The following ZFP64 variants were observed in gnomAD, a reference collection of about 807,000 sequenced individuals.
ZFP64 encodes the protein ZFP64 zinc finger protein.
In ZFP64, 14 loss-of-function variants were observed where a neutral mutation model predicts 51.6. The observed-to-expected ratio is 0.27, with a 90% CI of 0.18 to 0.42. ZFP64 has a LOEUF of 0.42. Ranked by LOEUF, ZFP64 falls within the 10% of genes least tolerant of loss-of-function variation. The pLI is 1.00. For missense variants in ZFP64, 754 were observed against 906.8 expected (o/e 0.83, Z 2.16); for synonymous variants, 375 against 361.4 (o/e 1.04, Z -0.43).
chr20:52,151,440 G>A lies in ZFP64; in HGVS notation c.*706C>T. The A allele has an allele frequency of 2.0e-6, 2 of 985,220 alleles. No individual in the cohort carries two copies. Among genetic ancestry groups the A allele is most frequent in the South Asian group, 4.7e-5 (1 of 21,286 alleles). 61.0% of individuals were successfully genotyped at this position (985,220 alleles called of 1,614,324 possible). On this transcript the variant is annotated 3_prime_UTR_variant, in exon 6 of 6. Transcript: ENST00000216923. ...AAAACATGAACACCCCCAAACTCTG[G>A]GGAGTATTCCAGAATGGGGCAAAAG...
exon 9 of ZFP64, chr20:52,084,582 G>T (rs990282830): frequency 1.6e-5 from 26 of 1,613,492 alleles, no homozygotes; most frequent in Non-Finnish European, 2.2e-5. Flanking sequence ...GGGCTCTAGG[G>T]GAGCCTCGAG....
Position 52,151,788 on chromosome 20 carries a change from A to G in ZFP64, c.*358T>C. 9.5e-7 allele frequency: 1 copy of G among 1,047,438 alleles called. No homozygotes were observed. Among genetic ancestry groups the G allele is most frequent in the Non-Finnish European group, 1.2e-6 (1 of 867,550 alleles). The allele number at this position is 1,047,438 out of a possible 1,614,324, so 64.9% of individuals were successfully genotyped here. On this transcript the variant is annotated 3_prime_UTR_variant, in exon 6 of 6. Coordinates refer to ENST00000216923, the MANE Select transcript of ZFP64 (RefSeq NM_018197.3). ...AAACCACGGCCAGGCATGGTGGCTC[A>G]CACCTGTAATCCCAGCACTTTGGGA...
In ZFP64 at chr20:52,100,275, TCA is replaced by T. The variant is rs1369307660; in HGVS notation, c.764-1690_764-1689del. Among the ~76,000 whole-genome samples the T allele has an allele frequency of 2.0e-5, 3 of 151,938 alleles. No individual in the cohort carries two copies. In the East Asian group the frequency reaches 5.8e-4, roughly 29 times the overall value. On this transcript the variant is annotated intron_variant, in intron 5 of 8. Coordinates refer to the ZFP64 transcript ENST00000361387. ...AAGTTTTTTTTTTTGAAACAGAGTC[TCA>T]CTCTGTCGCCCAGACTGGAGTGCAG...
intron 5 of ZFP64, among the ~76,000 whole-genome samples, chr20:52,126,814 T>C (rs1293088196): frequency 6.6e-6 from 1 of 152,092 alleles, no homozygotes; most frequent in Admixed American, 6.6e-5. Context: ...ATAGGGAAAA[T>C]GGTGCCTTTA....
At chr20:52,180,597 T>C (rs955777089) in intron 2 of ZFP64, among the ~76,000 whole-genome samples, 4 of 141,392 alleles carry the variant, frequency 2.8e-5, no homozygotes, top group Admixed American at 2.2e-4. Context: ...ATCAATTCAA[T>C]GAATATTGAC....
At chr20:52,172,443 A>G (rs76076060) in intron 2 of ZFP64, among the ~76,000 whole-genome samples, 3,601 of 152,172 alleles carry the variant, frequency 0.024, 57 homozygotes, top group African/African-American at 0.041. Flanking sequence ...GTTCTTGAGA[A>G]TTCTCAGTGG....
Position 52,098,515 on chromosome 20 carries a change from G to A in ZFP64, c.836C>T (p.Pro279Leu), listed in dbSNP as rs777449645. The change falls in exon 6 of 9, where the codon CCT (proline) becomes CTT (leucine). Residue 279 changes from proline (P) to leucine (L), a missense_variant. Pro to Leu is a moderately conservative substitution (Grantham distance 98). Transcript: ENST00000361387. Reference sequence around the variant, plus strand: ...TGCCTCTGAGGGAAGAGTGATGACAGGGGCCTTCGGAGTGTCAGTGCTTTC... The same window carrying A: ...TGCCTCTGAGGGAAGAGTGATGACAAGGGCCTTCGGAGTGTCAGTGCTTTC... 3.7e-6 allele frequency: 6 copies of A among 1,614,054 alleles called. No individual in the cohort carries two copies. The highest frequency in any genetic ancestry group is 1.3e-5 in the African/African-American group (1 of 74,930).
chr20:52,146,111 A>G (rs554449258), intron 5 of ZFP64, among the ~76,000 whole-genome samples: 5 of 152,060 alleles, frequency 3.3e-5, no homozygotes, highest in South Asian at 2.1e-4. Flanking sequence ...AAACATGCGC[A>G]TTAGCCTCAG....
At position 52,152,518 on chromosome 20, in the gene ZFP64, C is replaced by T. The variant is rs768803312; in HGVS notation, c.1674G>A (p.Pro558=). 4 of 1,601,978 alleles carry T rather than the reference C, an allele frequency of 2.5e-6. No homozygotes were observed. Among genetic ancestry groups the T allele is most frequent in the Middle Eastern group, 3.3e-4 (2 of 6,012 alleles). Residue 558 remains proline, a synonymous_variant, in exon 6 of 6, where the codon CCG becomes CCA. Coordinates refer to ENST00000216923, the MANE Select transcript of ZFP64 (RefSeq NM_018197.3). ...LIAPPQSSRC[P]SEAGAMTQPA... ...GCTGGGTCATTGCGCCCGCCTCGCT[C>T]GGACACCGCGAGGACTGAGGGGGGG...
Position 52,176,505 on chromosome 20 carries a change from C to CTCTTTTTTT in ZFP64, c.286+10326_286+10327insAAAAAAAGA, listed in dbSNP as rs1555810297. Reference sequence around the variant, plus strand: ...ATTTCTAGCTTCTGGTTCAATCTCTCTTTTTTTTTTTTTTTGAGACGGAGT... The same window carrying CTCTTTTTTT: ...ATTTCTAGCTTCTGGTTCAATCTCTCTCTTTTTTTTTTTTTTTTTTTTTTGAGACGGAGT... On this transcript the variant is annotated intron_variant, in intron 2 of 5. Transcript: ENST00000216923. Among the ~76,000 whole-genome samples, 197 of 136,724 alleles carry CTCTTTTTTT rather than the reference C, an allele frequency of 1.4e-3. 1 individual carries two copies. The highest frequency in any genetic ancestry group is 5.3e-3 in the African/African-American group (191 of 36,152). 89.7% of individuals were successfully genotyped at this position (136,724 alleles called of 152,430 possible). A position where few individuals can be genotyped will look rare whatever the true frequency, so the allele number is the denominator to read the frequency against.
intron 2 of ZFP64, among the ~76,000 whole-genome samples, chr20:52,167,960 T>C (rs560245286): frequency 2.0e-5 from 3 of 152,240 alleles, no homozygotes; most frequent in Non-Finnish European, 2.9e-5. Context: ...AAATGTGTCA[T>C]AATTTCATAT....
chr20:52,091,185 T>C (rs2078922674), intron 7 of ZFP64, among the ~76,000 whole-genome samples: 1 of 152,082 alleles, frequency 6.6e-6, no homozygotes, highest in Non-Finnish European at 1.5e-5. Context: ...CAAAAACGTA[T>C]TACATTTCCC....
intron 2 of ZFP64, among the ~76,000 whole-genome samples, chr20:52,181,483 T>A (rs1983611303): frequency 6.6e-6 from 1 of 152,142 alleles, no homozygotes; most frequent in South Asian, 2.1e-4. Flanking sequence ...CGGGCAGCTT[T>A]CAAAGCTAGT....
At chr20:52,128,026 T>G (rs1232087183) in intron 5 of ZFP64, among the ~76,000 whole-genome samples, 1 of 152,200 alleles carries the variant, frequency 6.6e-6, no homozygotes, top group Non-Finnish European at 1.5e-5. Context: ...TGGTTTGGAT[T>G]GAGGTGTGTT....
chr20:52,191,442 C>T lies in ZFP64; in HGVS notation c.46+149G>A. ...ACTCCGGCGCCCCCTGCACAGCGCGCCCGCCGCGGTCCCCGAGACGCGGCT... is the reference window on the plus strand; with the variant it reads ...ACTCCGGCGCCCCCTGCACAGCGCGTCCGCCGCGGTCCCCGAGACGCGGCT... On this transcript the variant is annotated intron_variant, in intron 1 of 5. Coordinates refer to ENST00000216923, the MANE Select transcript of ZFP64 (RefSeq NM_018197.3). This position sits in a 1 kb window ranked among gnomAD's most constrained non-coding sequence, Gnocchi z 4.3. The T allele has an allele frequency of 9.4e-7, 1 of 1,067,622 alleles. No individual in the cohort carries two copies. Among genetic ancestry groups the T allele is most frequent in the South Asian group, 2.3e-5 (1 of 42,736 alleles). 66.1% of individuals were successfully genotyped at this position (1,067,622 alleles called of 1,614,324 possible).
intron 7 of ZFP64, among the ~76,000 whole-genome samples, chr20:52,094,973 G>A (rs557136613): frequency 1.3e-5 from 2 of 152,210 alleles, no homozygotes; most frequent in Non-Finnish European, 2.9e-5. Flanking sequence ...GATGGTTTGA[G>A]TTGACTGCTA....
intron 5 of ZFP64, among the ~76,000 whole-genome samples, chr20:52,125,608 C>T (rs529671167): frequency 2.6e-5 from 4 of 152,310 alleles, no homozygotes; most frequent in African/African-American, 9.6e-5. Context: ...GCCTACGTTA[C>T]GTGGTTGTCC....
At chr20:52,180,547 C>CAAAAAAAAAAA (rs10669415) in intron 2 of ZFP64, among the ~76,000 whole-genome samples, 23 of 87,172 alleles carry the variant, frequency 2.6e-4, no homozygotes, top group Non-Finnish European at 4.5e-4. Flanking sequence ...CCAGAAATGG[C>CAAAAAAAAAAA]AAAAAAAAAA....
chr20:52,148,237 C>T (rs1980619283), downstream of ZFP64, among the ~76,000 whole-genome samples: 1 of 152,064 alleles, frequency 6.6e-6, no homozygotes, highest in African/African-American at 2.4e-5. Context: ...GTCATGTTGG[C>T]CAGCCAGATC....
Sources: allele counts gnomAD v4.1 joint callset (sites outside exome capture counted in the v4.1 genomes callset), GRCh38; gene constraint gnomAD v4.1.1; non-coding constraint Gnocchi (gnomAD v3.1); transcripts MANE v1.5; gene names NCBI Gene and HGNC (gene_info 2026-07-23, HGNC 2026-07-21).